IDE: variants seen among roughly 807,000 people sequenced by gnomAD.
The protein encoded by IDE is insulin-degrading enzyme.
In IDE, 58 loss-of-function variants were observed where a neutral mutation model predicts 133.2. The ratio of observed to expected loss-of-function variants is 0.44; its 90% CI spans 0.35 to 0.54. The LOEUF (loss-of-function observed/expected upper bound fraction) is 0.54. IDE is among the 20% of genes least tolerant of loss of function. The pLI is 0.00. For synonymous variants in IDE, 396 were observed against 421.3 expected (o/e 0.94, Z 0.73); for missense variants, 981 against 1,234.0 (o/e 0.79, Z 3.07).
Position 92,454,387 on chromosome 10 carries a change from A to C in IDE, c.*57T>G, listed in dbSNP as rs1169658465. The C allele has an allele frequency of 1.1e-5, 13 of 1,162,138 alleles. No homozygotes were observed. The highest frequency in any genetic ancestry group is 1.7e-5 in the Non-Finnish European group (13 of 768,718). The allele number at this position is 1,162,138 out of a possible 1,614,324, so 72.0% of individuals were successfully genotyped here. A position where few individuals can be genotyped will look rare whatever the true frequency, so the allele number is the denominator to read the frequency against. On this transcript the variant is annotated 3_prime_UTR_variant, in exon 25 of 25. Coordinates refer to ENST00000265986, the MANE Select transcript of IDE (RefSeq NM_004969.4). ...TTAAAGTGGCCAAGATGATTTTCTT[A>C]GGCTCTGGAAGACTCAGGAATGCAT... is the stretch of plus-strand genomic sequence containing the variant.
intron 3 of IDE, among the ~76,000 whole-genome samples, chr10:92,533,492 C>T (rs1376993028): frequency 6.6e-6 from 1 of 152,012 alleles, no homozygotes; most frequent in African/African-American, 2.4e-5. Context: ...ATAAAGCCGA[C>T]AGTGACTAAA....
intron 1 of IDE, among the ~76,000 whole-genome samples, chr10:92,544,478 T>C (rs1416264363): frequency 6.6e-6 from 1 of 152,138 alleles, no homozygotes; most frequent in Non-Finnish European, 1.5e-5. Flanking sequence ...AGTGGTTAAG[T>C]GACTTGCCCA....
At position 92,454,242 on chromosome 10, in the gene IDE, T is replaced by C. The variant is rs1186910940; in HGVS notation, c.*202A>G. ...AAAATTTTAAAATATTTAAGAGGCA[T>C]GTATTTAAAAAATATTCTACATCTA... On this transcript the variant is annotated 3_prime_UTR_variant, in exon 25 of 25. Coordinates refer to ENST00000265986, the MANE Select transcript of IDE (RefSeq NM_004969.4). 1 of 439,250 alleles carries C rather than the reference T, an allele frequency of 2.3e-6. No individual in the cohort carries two copies. Among genetic ancestry groups the C allele is most frequent in the Non-Finnish European group, 4.1e-6 (1 of 245,586 alleles). The allele number at this position is 439,250 out of a possible 1,614,324, so 27.2% of individuals were successfully genotyped here. A position where few individuals can be genotyped will look rare whatever the true frequency, so the allele number is the denominator to read the frequency against.
intron 12 of IDE, among the ~76,000 whole-genome samples, chr10:92,488,084 C>T (rs969087555): frequency 6.6e-6 from 1 of 152,046 alleles, no homozygotes; most frequent in African/African-American, 2.4e-5. Flanking sequence ...TGTGAGCCAC[C>T]ATGCCCGGCC....
Position 92,464,011 on chromosome 10 carries a change from A to C in IDE, c.2489-8T>G. On this transcript the variant is annotated splice_polypyrimidine_tract_variant and splice_region_variant and intron_variant, in intron 20 of 24. Transcript: ENST00000265986. ...CGCTGAAGACGATATAGCCTGAAAC[A>C]CAGACATCAGCCAGTCATGACCGTG... 6.2e-7 allele frequency: 1 copy of C among 1,606,732 alleles called. No homozygotes were observed. Among genetic ancestry groups the C allele is most frequent in the Non-Finnish European group, 8.5e-7 (1 of 1,174,302 alleles).
At chr10:92,527,393 T>C (rs1424298918) in intron 4 of IDE, among the ~76,000 whole-genome samples, 2 of 152,174 alleles carry the variant, frequency 1.3e-5, no homozygotes, top group Admixed American at 6.5e-5. Flanking sequence ...GTAGCTTTCC[T>C]TGTTCCTCAA....
At chr10:92,573,885 A>G (rs1379069059) in intron 1 of IDE, 37 bp downstream of exon 1, 3 of 1,384,210 alleles carry the variant, frequency 2.2e-6, no homozygotes, top group Non-Finnish European at 2.8e-6. Flanking sequence ...GCTGTGACCC[A>G]CGGGGCCCGA....
intron 17 of IDE, 128 bp from the exon 18 acceptor site, chr10:92,470,473 C>T: frequency 2.1e-6 from 1 of 471,868 alleles, no homozygotes; most frequent in Non-Finnish European, 3.8e-6. Context: ...ACCTAGTTTT[C>T]CCTAATGTTA....
Position 92,463,818 on chromosome 10 carries a change from G to A in IDE, c.2674C>T (p.Arg892Cys), listed in dbSNP as rs1845525899. The A allele has an allele frequency of 1.2e-6, 2 of 1,613,988 alleles. No individual in the cohort carries two copies. Among genetic ancestry groups the A allele is most frequent in the Non-Finnish European group, 1.7e-6 (2 of 1,179,878 alleles). The change falls in exon 21 of 25, where the codon CGT (arginine) becomes TGT (cysteine). Residue 892 changes from arginine to cysteine, a missense_variant. By Grantham distance (180) the Arg-to-Cys change is radical (BLOSUM62 -3). Transcript: ENST00000265986. ...FQKHIQALAI[R>C]RLDKPKKLSA... ...AGCTTCTTTGGTTTGTCTAGTCGACGAATTGCTAATGCCTGAATGTGTTTT... is the reference window on the plus strand; with the variant it reads ...AGCTTCTTTGGTTTGTCTAGTCGACAAATTGCTAATGCCTGAATGTGTTTT...
In IDE at chr10:92,454,309, T is replaced by C. The variant is rs1844873991; in HGVS notation, c.*135A>G. 2 of 621,898 alleles carry C rather than the reference T, an allele frequency of 3.2e-6. No individual in the cohort carries two copies. Among genetic ancestry groups the C allele is most frequent in the Non-Finnish European group, 2.9e-6 (1 of 342,056 alleles). The allele number at this position is 621,898 out of a possible 1,614,324, so 38.5% of individuals were successfully genotyped here. A position where few individuals can be genotyped will look rare whatever the true frequency, so the allele number is the denominator to read the frequency against. ...ACTTTGGATTTATAATATTTCTACA[T>C]AATGACATTTGACAATTTTTTGTTT... is the stretch of plus-strand genomic sequence containing the variant. On this transcript the variant is annotated 3_prime_UTR_variant, in exon 25 of 25. Transcript: ENST00000265986.
chr10:92,453,216 A>G lies in IDE; in HGVS notation c.*1228T>C, dbSNP rs1463031071. ...ACAATTTCTCTTGAAGCAAGTTTTA[A>G]TAACAGTAAATATTTCAAAACAGCT... On this transcript the variant is annotated 3_prime_UTR_variant, in exon 25 of 25. Coordinates refer to ENST00000265986, the MANE Select transcript of IDE (RefSeq NM_004969.4). 6.6e-6 allele frequency: 1 copy of G among 152,180 alleles called. No homozygotes were observed. The highest frequency in any genetic ancestry group is 1.5e-5 in the Non-Finnish European group (1 of 68,028). 9.4% of individuals were successfully genotyped at this position (152,180 alleles called of 1,614,324 possible).
At chr10:92,525,771 C>A (rs4641376) in intron 4 of IDE, among the ~76,000 whole-genome samples, 14,058 of 104,324 alleles carry the variant, frequency 0.13, 878 homozygotes, top group South Asian at 0.2. Flanking sequence ...AAAAAAAAAA[C>A]CAAGAAAGCA....
At chr10:92,480,483 G>C (rs1321954635) in intron 14 of IDE, 1 of 152,186 alleles carries the variant, frequency 6.6e-6, no homozygotes, top group Non-Finnish European at 1.5e-5. Context: ...GGGAATGATG[G>C]GGTGATGGCA....
intron 1 of IDE, among the ~76,000 whole-genome samples, chr10:92,537,781 G>A (rs1227038574): frequency 1.3e-5 from 2 of 152,152 alleles, no homozygotes; most frequent in Admixed American, 6.5e-5. Context: ...ATCTGAAAGA[G>A]CACATGGATA....
intron 18 of IDE, 61 bp downstream of exon 18, chr10:92,470,193 C>A: frequency 8.9e-7 from 1 of 1,118,922 alleles, no homozygotes; most frequent in Non-Finnish European, 1.3e-6. Context: ...TTGAGAAAGA[C>A]TAGAGGGAAA....
chr10:92,528,143 A>G (rs79508188), intron 4 of IDE, among the ~76,000 whole-genome samples: 3,176 of 152,306 alleles, frequency 0.021, 48 homozygotes, highest in Admixed American at 0.052. Context: ...TCCATCTCTT[A>G]TAATCACATT....
chr10:92,495,756 A>C (rs1305388263), intron 11 of IDE, among the ~76,000 whole-genome samples: 2 of 152,214 alleles, frequency 1.3e-5, no homozygotes, highest in Non-Finnish European at 2.9e-5. Context: ...GATACACACA[A>C]AAGACAGAAA....
At chr10:92,559,472 T>A (rs1189090052) in intron 1 of IDE, among the ~76,000 whole-genome samples, 1 of 152,186 alleles carries the variant, frequency 6.6e-6, no homozygotes, top group Non-Finnish European at 1.5e-5. Flanking sequence ...CATACCTCAA[T>A]ATGAATGAAC....
intron 4 of IDE, 26 bp from the exon 5 acceptor site, chr10:92,515,068 T>C (rs1848830585): frequency 1.3e-6 from 2 of 1,563,084 alleles, no homozygotes; most frequent in South Asian, 1.2e-5. Flanking sequence ...AGGGATTTCT[T>C]AGAAAAAGCA....
Sources: gnomAD v4.1 joint callset for allele counts (sites outside exome capture counted in the v4.1 genomes callset) on GRCh38, gnomAD v4.1.1 for gene constraint, MANE v1.5 for transcripts, NCBI Gene and HGNC (gene_info 2026-07-23, HGNC 2026-07-21) for gene names.